Variants in SRSF1 observed in about 807,000 individuals in gnomAD.
The protein encoded by SRSF1 is serine/arginine-rich splicing factor 1.
A neutral mutation model predicts 25.9 loss-of-function variants in SRSF1; 1 was observed. That is an observed-to-expected ratio of 0.04 (90% CI 0.01 to 0.18). The LOEUF (loss-of-function observed/expected upper bound fraction) is 0.18, where lower values mean the gene tolerates loss of function less well. SRSF1 is among the 10% of genes least tolerant of loss of function. The pLI is 1.00. For missense variants in SRSF1, 65 were observed against 350.5 expected, an observed-to-expected ratio of 0.19 and a Z score of 6.50; for synonymous variants, 132 against 126.2, an observed-to-expected ratio of 1.05 and a Z score of -0.31.
At chr17:58,006,053 A>C in intron 2 of SRSF1, 80 bp from the exon 3 acceptor site, 1 of 1,289,132 alleles carries the variant, frequency 7.8e-7, no homozygotes, top group South Asian at 1.4e-5. Flanking sequence ...TAGGACAAAG[A>C]GTACTTTAAA....
chr17:58,006,027 A>C, intron 2 of SRSF1, 54 bp from the exon 3 acceptor site: 1 of 1,549,880 alleles, frequency 6.5e-7, no homozygotes, highest in Non-Finnish European at 8.8e-7. Context: ...TTTCACGTTA[A>C]GCTGGTAAGG....
rs1419204203 is a variant in SRSF1, at chr17:58,005,297, C to T, written c.*109G>A. ...GATATTACAAGAATGCAATTCAACA[C>T]TTTAGCCCATTCTGAACAAAACAGT... On this transcript the variant is annotated 3_prime_UTR_variant, in exon 4 of 4. Coordinates refer to ENST00000258962, the MANE Select transcript of SRSF1 (RefSeq NM_006924.5). The surrounding 1 kb of genome is among the most constrained non-coding windows in gnomAD (Gnocchi z 5.2). 2.4e-6 allele frequency: 3 copies of T among 1,224,852 alleles called. No homozygotes were observed. The African/African-American group carries it at 4.5e-5, about 18-fold the overall frequency. The allele number at this position is 1,224,852 out of a possible 1,614,324, so 75.9% of individuals were successfully genotyped here.
chr17:57,999,907 C>T (rs961930134), downstream of SRSF1, among the ~76,000 whole-genome samples: 1 of 152,110 alleles, frequency 6.6e-6, no homozygotes, highest in African/African-American at 2.4e-5. Flanking sequence ...TGTCTGGTAA[C>T]AGAAGTCTGA....
chr17:58,005,217 C>T lies in SRSF1; in HGVS notation c.*189G>A, dbSNP rs1289622768. ...TTAAACAATCCTGTCTATGACATCACTTAAAATACAATTTATCAAAGACAC... is the reference window on the plus strand; with the variant it reads ...TTAAACAATCCTGTCTATGACATCATTTAAAATACAATTTATCAAAGACAC... On this transcript the variant is annotated 3_prime_UTR_variant, in exon 4 of 4. Transcript: ENST00000258962. This position sits in a 1 kb window ranked among gnomAD's most constrained non-coding sequence, Gnocchi z 5.2. The T allele has an allele frequency of 9.4e-6, 6 of 634,936 alleles. No individual in the cohort carries two copies. In the East Asian group the frequency reaches 1.6e-4, roughly 17 times the overall value. 39.3% of individuals were successfully genotyped at this position (634,936 alleles called of 1,614,324 possible). A position where few individuals can be genotyped will look rare whatever the true frequency, so the allele number is the denominator to read the frequency against.
At chr17:58,000,536 T>A (rs1371021195), downstream of SRSF1, among the ~76,000 whole-genome samples, 2 of 152,178 alleles carry the variant, frequency 1.3e-5, no homozygotes, top group Non-Finnish European at 2.9e-5. Context: ...CAATGGGATA[T>A]AATTGTTGAG....
At chr17:57,999,746 A>C (rs570357779), downstream of SRSF1, among the ~76,000 whole-genome samples, 1 of 152,300 alleles carries the variant, frequency 6.6e-6, no homozygotes, top group Non-Finnish European at 1.5e-5. Context: ...GTTGTAAAAA[A>C]ACCAAACAAA....
Position 58,001,503 on chromosome 17 carries a change from A to G in SRSF1, c.*3903T>C, listed in dbSNP as rs1300695151. On this transcript the variant is annotated 3_prime_UTR_variant, in exon 4 of 4. Coordinates refer to ENST00000258962, the MANE Select transcript of SRSF1 (RefSeq NM_006924.5). ...GGGTTTCTTACCTTTTGTTTCCAGT[A>G]GGATGTGGGCTGAACAGCAAGGTGG... 6.6e-6 allele frequency among the ~76,000 whole-genome samples: 1 copy of G among 152,208 alleles called. No homozygotes were observed. The highest frequency in any genetic ancestry group is 1.5e-5 in the Non-Finnish European group (1 of 68,008).
chr17:58,006,072 T>C (rs2075424915), intron 2 of SRSF1, 99 bp from the exon 3 acceptor site: 3 of 1,162,068 alleles, frequency 2.6e-6, no homozygotes, highest in Non-Finnish European at 1.2e-6. Flanking sequence ...AAGTACTTAA[T>C]AGGTGTACTT....
chr17:57,996,837 A>C (rs1000187288), downstream of SRSF1, among the ~76,000 whole-genome samples: 1 of 152,220 alleles, frequency 6.6e-6, no homozygotes, highest in Non-Finnish European at 1.5e-5. Flanking sequence ...TCAGGGTCCT[A>C]AAGTTAATGC....
At chr17:57,992,791 T>C in the SRSF1 span, 2 of 152,252 alleles carry the variant, frequency 1.3e-5, no homozygotes, top group South Asian at 2.1e-4. Context: ...ATCTCCAGTT[T>C]TTCTTCAGAG....
At chr17:57,995,775 C>G in the SRSF1 span, among the ~76,000 whole-genome samples, 8 of 152,228 alleles carry the variant, frequency 5.3e-5, no homozygotes, top group Admixed American at 2.6e-4. Flanking sequence ...TCTGGGCCTG[C>G]CCCTTTAACA....
At chr17:57,989,269 A>C in the SRSF1 span, 1 of 398,492 alleles carries the variant, frequency 2.5e-6, no homozygotes. Context: ...GAGGGAAGCT[A>C]CTGGGAATAT....
chr17:57,998,157 C>T (rs2075372124), downstream of SRSF1, among the ~76,000 whole-genome samples: 2 of 152,114 alleles, frequency 1.3e-5, no homozygotes, highest in Admixed American at 1.3e-4. Flanking sequence ...TTGCAGTGAG[C>T]CGAGATTGTG....
chr17:58,006,722 T>C, intron 1 of SRSF1, 195 bp from the exon 2 acceptor site: 1 of 890,424 alleles, frequency 1.1e-6, no homozygotes, highest in Non-Finnish European at 1.7e-6. Context: ...AGCGCCTCAG[T>C]TTCCCGCTCC....
chr17:58,005,307 T>C lies in SRSF1; in HGVS notation c.*99A>G. On this transcript the variant is annotated 3_prime_UTR_variant, in exon 4 of 4. Transcript: ENST00000258962. The surrounding 1 kb of genome is among the most constrained non-coding windows in gnomAD (Gnocchi z 5.2). Reference sequence around the variant, plus strand: ...GAATGCAATTCAACACTTTAGCCCATTCTGAACAAAACAGTTTGAATTAAA... The same window carrying C: ...GAATGCAATTCAACACTTTAGCCCACTCTGAACAAAACAGTTTGAATTAAA... 1 of 1,351,722 alleles carries C rather than the reference T, an allele frequency of 7.4e-7. No individual in the cohort carries two copies. The highest frequency in any genetic ancestry group is 2.3e-5 in the East Asian group (1 of 43,338). The allele number at this position is 1,351,722 out of a possible 1,614,324, so 83.7% of individuals were successfully genotyped here.
chr17:58,005,677 T>C lies in SRSF1; in HGVS notation c.553-77A>G. 1 of 1,608,026 alleles carries C rather than the reference T, an allele frequency of 6.2e-7. No individual in the cohort carries two copies. Among genetic ancestry groups the C allele is most frequent in the East Asian group, 2.2e-5 (1 of 44,818 alleles). ...TCAGACATGCTGAATGAATACAATG[T>C]AACTAAAACCAGAAATCTGGCAATT... On this transcript the variant is annotated intron_variant, in intron 3 of 3. Coordinates refer to ENST00000258962, the MANE Select transcript of SRSF1 (RefSeq NM_006924.5). This position sits in a 1 kb window ranked among gnomAD's most constrained non-coding sequence, Gnocchi z 5.2.
At chr17:57,989,567 AGATATAGTAATTT>A in the SRSF1 span, 1 of 397,918 alleles carries the variant, frequency 2.5e-6, no homozygotes, top group East Asian at 3.6e-5. Context: ...AAAACCAAGG[AGATATAGTAATTT>A]GACAGTGTGT....
chr17:57,994,608 A>G, the SRSF1 span: 1 of 152,186 alleles, frequency 6.6e-6, no homozygotes, highest in East Asian at 1.9e-4. Flanking sequence ...TACTCGATAT[A>G]TCAAATGGAC....
chr17:57,999,713 A>T, downstream of SRSF1, among the ~76,000 whole-genome samples: 1 of 152,208 alleles, frequency 6.6e-6, no homozygotes, highest in East Asian at 1.9e-4. Context: ...CCTAGCACTT[A>T]CCAATGGAGA....
Sources: gnomAD v4.1 joint callset for allele counts (sites outside exome capture counted in the v4.1 genomes callset) on GRCh38, gnomAD v4.1.1 for gene constraint, Gnocchi (gnomAD v3.1) non-coding constraint, MANE v1.5 for transcripts, NCBI Gene and HGNC (gene_info 2026-07-23, HGNC 2026-07-21) for gene names.